The following GRB2 variants were observed in gnomAD, a reference collection of about 807,000 sequenced individuals.
GRB2 encodes growth factor receptor bound protein 2, also known as growth factor receptor-bound protein 2.
Under a neutral mutation model 27.4 loss-of-function variants are expected in GRB2, and 2 were observed. The observed-to-expected ratio is 0.07, with a 90% CI of 0.03 to 0.23. GRB2 has a LOEUF of 0.23. Among genes scored for constraint, GRB2 ranks in the 10% least tolerant of loss-of-function variants. The probability of loss-of-function intolerance (pLI) is 1.00; values close to 1 mark genes in which losing one functional copy is unlikely to be tolerated. For missense variants in GRB2, 102 were observed against 282.4 expected (o/e 0.36, Z 4.58); for synonymous variants, 94 against 99.6 (o/e 0.94, Z 0.33).
intron 2 of GRB2, among the ~76,000 whole-genome samples, chr17:75,358,106 T>C (rs1019361982): frequency 2.0e-5 from 3 of 152,166 alleles, no homozygotes; most frequent in Non-Finnish European, 4.4e-5. Context: ...ATCTAAATGA[T>C]GGTCTTTGCT....
At chr17:75,389,279 C>A (rs573448107) in intron 2 of GRB2, among the ~76,000 whole-genome samples, 1 of 125,014 alleles carries the variant, frequency 8.0e-6, no homozygotes, top group Non-Finnish European at 1.7e-5. Context: ...AAATGTCCTC[C>A]TTCTCTTAAC....
intron 1 of GRB2, among the ~76,000 whole-genome samples, chr17:75,401,915 A>C (rs1368000719): frequency 2.6e-5 from 4 of 152,248 alleles, no homozygotes; most frequent in Non-Finnish European, 4.4e-5. Flanking sequence ...TAGTATTTTC[A>C]GTCTCTTTTC....
intron 2 of GRB2, among the ~76,000 whole-genome samples, chr17:75,342,560 G>A (rs866045823): frequency 2.0e-5 from 3 of 151,926 alleles, no homozygotes; most frequent in African/African-American, 2.4e-5. Flanking sequence ...ATGAGCCACC[G>A]CACCGTCAAT....
chr17:75,338,884 C>T, intron 2 of GRB2: 1 of 822,588 alleles, frequency 1.2e-6, no homozygotes, highest in Non-Finnish European at 2.1e-6. Context: ...CAAGCATCAA[C>T]CCCACAAAGT....
intron 1 of GRB2, among the ~76,000 whole-genome samples, chr17:75,395,680 C>T (rs1321860682): frequency 6.6e-6 from 1 of 152,114 alleles, no homozygotes; most frequent in Non-Finnish European, 1.5e-5. Flanking sequence ...ACTGCTTTCT[C>T]AGTTTATTCC....
At chr17:75,324,506 A>ATTTTT in intron 4 of GRB2, among the ~76,000 whole-genome samples, 1 of 67,040 alleles carries the variant, frequency 1.5e-5, no homozygotes, top group South Asian at 6.3e-4. Context: ...CACCGCACCC[A>ATTTTT]GTTTTTTTTT....
intron 1 of GRB2, among the ~76,000 whole-genome samples, chr17:75,404,513 A>G (rs1402690422): frequency 6.8e-6 from 1 of 146,668 alleles, no homozygotes; most frequent in East Asian, 2.1e-4. Flanking sequence ...TGGGGACTAC[A>G]AGGAGGAAGG....
intron 1 of GRB2, 145 bp from the exon 2 acceptor site, chr17:75,393,910 C>A (rs562087831): frequency 2.9e-5 from 14 of 487,170 alleles, no homozygotes; most frequent in South Asian, 6.0e-5. Flanking sequence ...ACAGCCCCCC[C>A]CCGCCGACTT....
Position 75,320,894 on chromosome 17 carries a change from C to T in GRB2, c.469-341G>A, listed in dbSNP as rs1028908163. 4.6e-5 allele frequency among the ~76,000 whole-genome samples: 7 copies of T among 152,152 alleles called. No homozygotes were observed. Among genetic ancestry groups the T allele is most frequent in the Non-Finnish European group, 1.0e-4 (7 of 68,028 alleles). Reference sequence around the variant, plus strand: ...TGTGTTTAGGCCGTGGGCCCAGAATCGCAAATCCCTTCTACGACACCCTTA... The same window carrying T: ...TGTGTTTAGGCCGTGGGCCCAGAATTGCAAATCCCTTCTACGACACCCTTA... On this transcript the variant is annotated intron_variant, in intron 5 of 5. Coordinates refer to ENST00000316804, the MANE Select transcript of GRB2 (RefSeq NM_002086.5). This position sits in a 1 kb window ranked among gnomAD's most constrained non-coding sequence, Gnocchi z 4.3.
chr17:75,380,589 T>C (rs1283134744), intron 2 of GRB2, among the ~76,000 whole-genome samples: 2 of 152,228 alleles, frequency 1.3e-5, no homozygotes, highest in Non-Finnish European at 2.9e-5. Flanking sequence ...GACTGGTTTG[T>C]CTGTCTTCCC....
chr17:75,323,121 T>TAAA (rs55801107), intron 4 of GRB2, among the ~76,000 whole-genome samples: 4 of 101,278 alleles, frequency 3.9e-5, no homozygotes, highest in Non-Finnish European at 4.1e-5. Context: ...TCCATCTCAT[T>TAAA]AAAAAAAAAA....
At chr17:75,354,998 G>A (rs1303769591) in intron 2 of GRB2, among the ~76,000 whole-genome samples, 1 of 152,070 alleles carries the variant, frequency 6.6e-6, no homozygotes, top group Non-Finnish European at 1.5e-5. Flanking sequence ...AGTAGAGACG[G>A]GGTTTCACCA....
At chr17:75,381,206 A>T (rs2078925386) in intron 2 of GRB2, among the ~76,000 whole-genome samples, 1 of 152,232 alleles carries the variant, frequency 6.6e-6, no homozygotes, top group Non-Finnish European at 1.5e-5. Context: ...GTAACATTTT[A>T]AATTCACTAC....
rs571363522 is a variant in GRB2, at chr17:75,365,500, T to C, written c.78+28051A>G. On this transcript the variant is annotated intron_variant, in intron 2 of 5. Transcript: ENST00000316804. ...TTAATAAAAGTGAAACACAGAAGAC[T>C]AGATGGGGACAGGTTATTCTGGTGA... is the stretch of plus-strand genomic sequence containing the variant. Among the ~76,000 whole-genome samples the C allele has an allele frequency of 3.3e-5, 5 of 152,220 alleles. No individual in the cohort carries two copies. The South Asian group carries it at 1.0e-3, about 32-fold the overall frequency.
chr17:75,383,272 G>A (rs934772848), intron 2 of GRB2, among the ~76,000 whole-genome samples: 11 of 152,212 alleles, frequency 7.2e-5, no homozygotes, highest in African/African-American at 2.4e-4. Context: ...ACACAGCATA[G>A]GTATCCATCT....
chr17:75,366,245 C>A (rs749378015), intron 2 of GRB2, among the ~76,000 whole-genome samples: 82 of 152,060 alleles, frequency 5.4e-4, no homozygotes, highest in Non-Finnish European at 1.0e-3. Context: ...TTCAACGTTT[C>A]GATTATGTGA....
Position 75,353,184 on chromosome 17 carries a change from C to CAA in GRB2, c.79-20389_79-20388dup, listed in dbSNP as rs71159495. On this transcript the variant is annotated intron_variant, in intron 2 of 5. Coordinates refer to ENST00000316804, the MANE Select transcript of GRB2 (RefSeq NM_002086.5). ...TGGGCGACAGAGCAAGACTCCGTCT[C>CAA]AAAAAAAAAAAAAAAAGACACAGTT... Among the ~76,000 whole-genome samples, 481 of 124,508 alleles carry CAA rather than the reference C, an allele frequency of 3.9e-3. 4 individuals carry two copies. The highest frequency in any genetic ancestry group is 9.9e-3 in the East Asian group (44 of 4,454). 81.7% of individuals were successfully genotyped at this position (124,508 alleles called of 152,430 possible). A position where few individuals can be genotyped will look rare whatever the true frequency, so the allele number is the denominator to read the frequency against.
chr17:75,399,358 C>A (rs909765138), intron 1 of GRB2, among the ~76,000 whole-genome samples: 1 of 138,008 alleles, frequency 7.2e-6, no homozygotes, highest in Non-Finnish European at 1.5e-5. Flanking sequence ...CTGGCCTTGA[C>A]AATCTTTTCT....
intron 2 of GRB2, among the ~76,000 whole-genome samples, chr17:75,334,624 T>C (rs1183652489): frequency 6.6e-6 from 1 of 151,976 alleles, no homozygotes; most frequent in Non-Finnish European, 1.5e-5. Context: ...AAGAGATTAA[T>C]GATGACTAGT....
Sources: allele counts gnomAD v4.1 joint callset (sites outside exome capture counted in the v4.1 genomes callset), GRCh38; gene constraint gnomAD v4.1.1; non-coding constraint Gnocchi (gnomAD v3.1); transcripts MANE v1.5; gene names NCBI Gene and HGNC (gene_info 2026-07-23, HGNC 2026-07-21).